The following NECAB1 variants were observed in gnomAD, a reference collection of about 807,000 sequenced individuals.
NECAB1 encodes the protein N-terminal EF-hand calcium-binding protein 1.
NECAB1 carries 29 observed loss-of-function variants against 57.5 expected under a neutral mutation model. The observed-to-expected ratio is 0.50, with a 90% CI of 0.38 to 0.69. The LOEUF is 0.69. NECAB1 is among the 30% of genes least tolerant of loss of function. The pLI, the probability that NECAB1 is intolerant of heterozygous loss-of-function variation, is 0.00. For missense variants in NECAB1, 372 were observed against 413.8 expected, an observed-to-expected ratio of 0.90 and a Z score of 0.88; for synonymous variants, 142 against 147.7, an observed-to-expected ratio of 0.96 and a Z score of 0.28.
chr8:90,918,185 AT>A (rs1338503895), intron 6 of NECAB1, among the ~76,000 whole-genome samples: 52 of 150,744 alleles, frequency 3.4e-4, no homozygotes, highest in African/African-American at 1.2e-3. Context: ...AATTTATTGT[AT>A]TTTTTAGAAG....
At chr8:90,816,772 AC>A (rs1812067201) in intron 2 of NECAB1, among the ~76,000 whole-genome samples, 1 of 151,632 alleles carries the variant, frequency 6.6e-6, no homozygotes, top group African/African-American at 2.4e-5. Context: ...CTGTCCTCAA[AC>A]TTTATTCTTC....
intron 7 of NECAB1, among the ~76,000 whole-genome samples, chr8:90,927,702 C>A (rs1810308297): frequency 6.6e-6 from 1 of 151,448 alleles, no homozygotes; most frequent in African/African-American, 2.4e-5. Context: ...GATCAACAGG[C>A]TCCAGTCTGC....
At chr8:90,871,750 C>T (rs1808625770) in intron 3 of NECAB1, among the ~76,000 whole-genome samples, 1 of 152,158 alleles carries the variant, frequency 6.6e-6, no homozygotes, top group African/African-American at 2.4e-5. Flanking sequence ...TTACTATCCT[C>T]ATCTTGGGTC....
In NECAB1 at chr8:90,925,590, A is replaced by G; in HGVS notation, c.550A>G (p.Ser184Gly). ...GATTCAATGGCCTGGAAAACGATCA[A>G]GCCGCCGAGTCCAGAGACACAACAG... ...LSIQWPGKRS[S>G]RRVQRHNSFS... Residue 184 changes from serine to glycine, a missense_variant, in exon 7 of 13, where the codon AGC becomes GGC. Coordinates refer to ENST00000417640, the MANE Select transcript of NECAB1 (RefSeq NM_022351.5). The G allele has an allele frequency of 6.2e-7, 1 of 1,613,630 alleles. No individual in the cohort carries two copies. The highest frequency in any genetic ancestry group is 8.5e-7 in the Non-Finnish European group (1 of 1,179,784).
chr8:90,902,503 A>G (rs1004180505), intron 5 of NECAB1, among the ~76,000 whole-genome samples: 1 of 152,154 alleles, frequency 6.6e-6, no homozygotes, highest in Non-Finnish European at 1.5e-5. Flanking sequence ...TTACTAATGC[A>G]AAGGGGCTCT....
chr8:90,795,181 A>G (rs1811639861), intron 1 of NECAB1, among the ~76,000 whole-genome samples: 1 of 152,248 alleles, frequency 6.6e-6, no homozygotes, highest in South Asian at 2.1e-4. Flanking sequence ...TCTATGTAGC[A>G]TGTGTCTCCT....
intron 4 of NECAB1, among the ~76,000 whole-genome samples, chr8:90,875,518 A>ATAGGTAG (rs1808706141): frequency 6.7e-6 from 1 of 148,390 alleles, no homozygotes; most frequent in Non-Finnish European, 1.5e-5. Context: ...AAAAAAAAGA[A>ATAGGTAG]TAGGTAGTTG....
chr8:90,882,690 G>T (rs1043450930), intron 5 of NECAB1, among the ~76,000 whole-genome samples: 1 of 152,078 alleles, frequency 6.6e-6, no homozygotes, highest in Non-Finnish European at 1.5e-5. Context: ...TAGATCACCT[G>T]TTCCTTGCTG....
At chr8:90,915,874 G>A (rs1274381202) in intron 5 of NECAB1, among the ~76,000 whole-genome samples, 1 of 152,214 alleles carries the variant, frequency 6.6e-6, no homozygotes, top group African/African-American at 2.4e-5. Flanking sequence ...AGGGCAGAAA[G>A]CATCCAGCAC....
intron 7 of NECAB1, among the ~76,000 whole-genome samples, chr8:90,926,252 G>A (rs960156886): frequency 6.6e-6 from 1 of 152,166 alleles, no homozygotes; most frequent in Admixed American, 6.5e-5. Context: ...ATATATACAT[G>A]CACATATGTC....
At chr8:90,941,123 C>T (rs998059995) in intron 10 of NECAB1, among the ~76,000 whole-genome samples, 10 of 152,166 alleles carry the variant, frequency 6.6e-5, no homozygotes, top group Admixed American at 1.3e-4. Flanking sequence ...AACCCCGTGT[C>T]GTCTGATCAT....
At chr8:90,793,917 T>G (rs1429470643) in intron 1 of NECAB1, among the ~76,000 whole-genome samples, 2 of 152,232 alleles carry the variant, frequency 1.3e-5, no homozygotes, top group African/African-American at 4.8e-5. Context: ...TCATTTTTTA[T>G]TATGTATGCA....
At chr8:90,839,410 G>A (rs1011078709) in intron 3 of NECAB1, among the ~76,000 whole-genome samples, 22 of 152,172 alleles carry the variant, frequency 1.4e-4, no homozygotes, top group Admixed American at 1.4e-3. Context: ...TTCTCCATGT[G>A]CAAGTTATTG....
In NECAB1 at chr8:90,956,693, T is replaced by C. The variant is rs1191748971; in HGVS notation, c.*1181T>C. ...GAAACTATAAGTCTTTGAGGAAAAT[T>C]ATAAGGTAAAATTTTCCTGTTTTTC... is the stretch of plus-strand genomic sequence containing the variant. On this transcript the variant is annotated 3_prime_UTR_variant, in exon 13 of 13. Coordinates refer to ENST00000417640, the MANE Select transcript of NECAB1 (RefSeq NM_022351.5). 1 of 152,100 alleles carries C rather than the reference T, an allele frequency of 6.6e-6. No homozygotes were observed. Among genetic ancestry groups the C allele is most frequent in the African/African-American group, 2.4e-5 (1 of 41,402 alleles). The allele number at this position is 152,100 out of a possible 1,614,324, so 9.4% of individuals were successfully genotyped here. A position where few individuals can be genotyped will look rare whatever the true frequency, so the allele number is the denominator to read the frequency against.
At chr8:90,813,270 C>CTT (rs901707832) in intron 2 of NECAB1, 92 of 150,402 alleles carry the variant, frequency 6.1e-4, no homozygotes, top group African/African-American at 2.1e-3. Context: ...CACACACACA[C>CTT]ACTTGTATAA....
chr8:90,838,053 A>T (rs573841853), intron 3 of NECAB1, among the ~76,000 whole-genome samples: 7 of 152,322 alleles, frequency 4.6e-5, no homozygotes, highest in Admixed American at 4.6e-4. Flanking sequence ...AATAGAGCAT[A>T]GTCAGAGAAA....
At position 90,955,112 on chromosome 8, in the gene NECAB1, T is replaced by TTAATTATATATATA. The variant is rs1234665098; in HGVS notation, c.1031-373_1031-372insATTATATATATATA. On this transcript the variant is annotated intron_variant, in intron 12 of 12. Transcript: ENST00000417640. Reference sequence around the variant, plus strand: ...ATTTCATAAATATTGGGTATATAAATTATATATATATATATATATATATAT... The same window carrying TTAATTATATATATA: ...ATTTCATAAATATTGGGTATATAAATTAATTATATATATATATATATATATATATATATATATAT... 3.3e-3 allele frequency among the ~76,000 whole-genome samples: 232 copies of TTAATTATATATATA among 70,792 alleles called. 10 individuals carry two copies. The highest frequency in any genetic ancestry group is 0.01 in the African/African-American group (217 of 21,206). The allele number at this position is 70,792 out of a possible 152,430, so 46.4% of individuals were successfully genotyped here. A position where few individuals can be genotyped will look rare whatever the true frequency, so the allele number is the denominator to read the frequency against.
intron 5 of NECAB1, among the ~76,000 whole-genome samples, chr8:90,887,302 A>T (rs1272139637): frequency 6.6e-6 from 1 of 152,194 alleles, no homozygotes; most frequent in East Asian, 1.9e-4. Flanking sequence ...TTGTTACATA[A>T]GATTTCAAAT....
chr8:90,812,095 G>T (rs1459634314), intron 2 of NECAB1, among the ~76,000 whole-genome samples: 1 of 152,160 alleles, frequency 6.6e-6, no homozygotes, highest in East Asian at 1.9e-4. Flanking sequence ...TCCTCTTTTG[G>T]AGGGTAAACT....
Sources: gnomAD v4.1 joint callset for allele counts (sites outside exome capture counted in the v4.1 genomes callset) on GRCh38, gnomAD v4.1.1 for gene constraint, MANE v1.5 for transcripts, NCBI Gene and HGNC (gene_info 2026-07-23, HGNC 2026-07-21) for gene names.